NSMAF: variants seen among roughly 807,000 people sequenced by gnomAD.
NSMAF encodes the protein protein FAN.
In NSMAF, 90 loss-of-function variants were observed where a neutral mutation model predicts 134.9. That is an observed-to-expected ratio of 0.67 (90% CI 0.56 to 0.79). NSMAF has a LOEUF of 0.79. NSMAF is among the 30% of genes least tolerant of loss of function. The pLI, the probability that NSMAF is intolerant of heterozygous loss-of-function variation, is 0.00. For synonymous variants in NSMAF, 358 were observed against 389.6 expected (o/e 0.92, Z 0.96); for missense variants, 1,010 against 1,119.0 (o/e 0.90, Z 1.39).
In NSMAF at chr8:58,595,599, G is replaced by T. The variant is rs1197109953; in HGVS notation, c.1853C>A (p.Thr618Asn). The stretch of plus-strand genomic sequence containing the variant: ...ATAGTGCTCGTGTAACTGCAGTTTG[G>T]TGATGTTATTCCAGGCCAGTGTTTT... Reference protein sequence around the residue: ...ESKTLAWNNITKLQLHEHYKI... With the variant: ...ESKTLAWNNINKLQLHEHYKI... Residue 618 changes from threonine (T) to asparagine (N), a missense_variant, in exon 22 of 31, where the codon ACC (threonine) becomes AAC (asparagine). Physicochemically the swap from Thr to Asn is moderately conservative, Grantham distance 65 (BLOSUM62 0). Transcript: ENST00000038176. 6.2e-7 allele frequency: 1 copy of T among 1,613,888 alleles called. No homozygotes were observed. Among genetic ancestry groups the T allele is most frequent in the Admixed American group, 1.7e-5 (1 of 59,996 alleles).
At chr8:58,602,185 T>C (rs368618324) in intron 13 of NSMAF, 48 bp from the exon 14 acceptor site, 115 of 1,425,198 alleles carry the variant, frequency 8.1e-5, no homozygotes, top group Non-Finnish European at 1.1e-4. Flanking sequence ...TTAGTACCAT[T>C]AACCTCCTGA....
At chr8:58,588,648 G>A (rs957080193) in intron 26 of NSMAF, 57 of 1,533,102 alleles carry the variant, frequency 3.7e-5, no homozygotes, top group Non-Finnish European at 4.9e-5. Context: ...TTCGAATGAC[G>A]AATTTCTTAA....
chr8:58,618,795 C>G (rs1806721392), intron 9 of NSMAF, among the ~76,000 whole-genome samples: 1 of 152,066 alleles, frequency 6.6e-6, no homozygotes, highest in African/African-American at 2.4e-5. Flanking sequence ...TCCTTATATT[C>G]CTTTAACAAA....
rs200721757 is a variant in NSMAF, at chr8:58,606,005, G to A, written c.790C>T (p.Leu264=). Residue 264 remains leucine, a synonymous_variant, in exon 12 of 31, where the codon CTG becomes TTG. Transcript: ENST00000038176. ...AACTTTAGGTAGATGTCGGAACACA[G>A]ATCATCTTCTGTGCAAAATACTTCC... ...GLEVFCTEDD[L]CSDIYLKFYE... The A allele has an allele frequency of 1.2e-5, 19 of 1,594,006 alleles. No individual in the cohort carries two copies. In the East Asian group the frequency reaches 4.4e-4, roughly 37 times the overall value.
At chr8:58,624,106 A>G (rs1351490135) in intron 6 of NSMAF, among the ~76,000 whole-genome samples, 1 of 136,886 alleles carries the variant, frequency 7.3e-6, no homozygotes, top group African/African-American at 2.8e-5. Flanking sequence ...CAGTGGCACG[A>G]TCTCGGCTCA....
intron 1 of NSMAF, 115 bp downstream of exon 1, chr8:58,659,458 C>T (rs1016069562): frequency 2.0e-6 from 3 of 1,495,018 alleles, no homozygotes; most frequent in Non-Finnish European, 1.8e-6. Flanking sequence ...CGTCCGGCCC[C>T]TGCCTCCGTG....
At chr8:58,606,201 CAT>C (rs1246888844) in intron 11 of NSMAF, among the ~76,000 whole-genome samples, 166 bp from the exon 12 acceptor site, 2 of 151,998 alleles carry the variant, frequency 1.3e-5, no homozygotes, top group Admixed American at 1.3e-4. Flanking sequence ...TATATATACA[CAT>C]ATACGTTTGC....
chr8:58,593,494 A>G (rs1252104054), intron 23 of NSMAF, among the ~76,000 whole-genome samples: 3 of 152,220 alleles, frequency 2.0e-5, no homozygotes, highest in Admixed American at 1.3e-4. Flanking sequence ...CTTACTTTAT[A>G]AAGTTACAAA....
chr8:58,589,834 A>G (rs1347670356), intron 25 of NSMAF, 173 bp downstream of exon 25: 1 of 599,550 alleles, frequency 1.7e-6, no homozygotes, highest in Non-Finnish European at 2.8e-6. Flanking sequence ...AAATTATTCA[A>G]TCTAAGCAAT....
At chr8:58,602,287 G>A in intron 13 of NSMAF, 150 bp from the exon 14 acceptor site, 1 of 576,118 alleles carries the variant, frequency 1.7e-6, no homozygotes, top group Non-Finnish European at 2.9e-6. Context: ...TATTTATGTA[G>A]ATGTAAAGAA....
At chr8:58,606,159 C>T (rs1202692171) in intron 11 of NSMAF, 124 bp from the exon 12 acceptor site, 15 of 817,942 alleles carry the variant, frequency 1.8e-5, no homozygotes, top group Admixed American at 1.4e-4. Flanking sequence ...AACTTATATT[C>T]CTATTTTCAA....
intron 10 of NSMAF, 25 bp downstream of exon 10, chr8:58,609,579 C>G (rs1806480128): frequency 1.2e-6 from 2 of 1,613,288 alleles, no homozygotes; most frequent in Admixed American, 1.7e-5. Flanking sequence ...GGGCAGCTCC[C>G]CACCTGACCC....
chr8:58,588,915 A>G (rs142087727), intron 26 of NSMAF, among the ~76,000 whole-genome samples: 2 of 152,190 alleles, frequency 1.3e-5, no homozygotes, highest in African/African-American at 2.4e-5. Flanking sequence ...TTCATCCCAC[A>G]ATGGAATACA....
chr8:58,619,341 A>G (rs1439843031), intron 9 of NSMAF, among the ~76,000 whole-genome samples: 1 of 152,206 alleles, frequency 6.6e-6, no homozygotes, highest in East Asian at 1.9e-4. Context: ...GCAATAAAAT[A>G]GAATATTACA....
intron 16 of NSMAF, among the ~76,000 whole-genome samples, chr8:58,600,552 C>T (rs937556143): frequency 3.8e-5 from 5 of 131,532 alleles, no homozygotes; most frequent in Non-Finnish European, 7.7e-5. Flanking sequence ...GAACCCGAGG[C>T]GGAGGTTGCA....
chr8:58,640,267 A>G (rs1807303845), intron 2 of NSMAF, among the ~76,000 whole-genome samples: 1 of 152,212 alleles, frequency 6.6e-6, no homozygotes, highest in African/African-American at 2.4e-5. Context: ...AGCATTTCAC[A>G]ATGTGTATGT....
chr8:58,597,387 C>T lies in NSMAF; in HGVS notation c.1792G>A (p.Gly598Ser). The change falls in exon 21 of 31, where the codon GGT (glycine) becomes AGT (serine). Residue 598 changes from glycine to serine, a missense_variant and splice_region_variant. Physicochemically the swap from Gly to Ser is moderately conservative, Grantham distance 56 (BLOSUM62 0). Transcript: ENST00000038176. The stretch of plus-strand genomic sequence containing the variant: ...CGTTTATTCTCTTTACAAAATTTAC[C>T]TGGGGAATCTGCCATAGAAGCATTA... ...SYNASMADSPGEESFEDLTEE... is the reference protein window; with the variant it reads ...SYNASMADSPSEESFEDLTEE... 1 of 1,612,308 alleles carries T rather than the reference C, an allele frequency of 6.2e-7. No homozygotes were observed. Among genetic ancestry groups the T allele is most frequent in the South Asian group, 1.1e-5 (1 of 90,730 alleles).
chr8:58,626,242 G>T (rs2129144843), intron 6 of NSMAF, among the ~76,000 whole-genome samples: 1 of 151,712 alleles, frequency 6.6e-6, no homozygotes, highest in South Asian at 2.1e-4. Context: ...GGGACTACAG[G>T]CACTTGCCTC....
At chr8:58,647,874 C>T (rs1340576591) in intron 1 of NSMAF, among the ~76,000 whole-genome samples, 5 of 152,056 alleles carry the variant, frequency 3.3e-5, no homozygotes, top group Non-Finnish European at 7.4e-5. Context: ...AAATTGGCAC[C>T]AGGGAGTAGG....
Sources: allele counts gnomAD v4.1 joint callset (sites outside exome capture counted in the v4.1 genomes callset), GRCh38; gene constraint gnomAD v4.1.1; transcripts MANE v1.5; gene names NCBI Gene and HGNC (gene_info 2026-07-23, HGNC 2026-07-21).